NEDD4: variants seen among roughly 807,000 people sequenced by gnomAD.
The protein encoded by NEDD4 is NEDD4 E3 ubiquitin protein ligase, also known as E3 ubiquitin-protein ligase NEDD4.
NEDD4 carries 99 observed loss-of-function variants against 144.9 expected under a neutral mutation model. The ratio of observed to expected loss-of-function variants is 0.68; its 90% CI spans 0.58 to 0.81. NEDD4 has a LOEUF of 0.81. Ranked by LOEUF, NEDD4 falls within the 30% of genes least tolerant of loss-of-function variation. NEDD4 has a pLI of 0.00. For synonymous variants in NEDD4, 318 were observed against 350.6 expected (o/e 0.91, Z 1.04); for missense variants, 985 against 1,065.9 (o/e 0.92, Z 1.06).
At position 55,829,922 on chromosome 15, in the gene NEDD4, G is replaced by T; in HGVS notation, c.2678C>A (p.Thr893Asn). The change falls in exon 29 of 29, where the codon ACC (threonine) becomes AAC (asparagine). Residue 893 changes from threonine to asparagine, a missense_variant. Transcript: ENST00000435532. The stretch of plus-strand genomic sequence containing the variant: ...CTAATCAACTCCATCAAAGCCCTGG[G>T]TGTTTTCAATTGCCATCTGAAGTTT... ...WDKLQMAIEN[T>N]QGFDGVD 1 of 1,613,320 alleles carries T rather than the reference G, an allele frequency of 6.2e-7. No individual in the cohort carries two copies. The highest frequency in any genetic ancestry group is 2.2e-5 in the East Asian group (1 of 44,868).
chr15:55,876,562 T>C (rs1595783936), intron 5 of NEDD4, among the ~76,000 whole-genome samples: 1 of 152,268 alleles, frequency 6.6e-6, no homozygotes, highest in African/African-American at 2.4e-5. Context: ...AAGTTAATCA[T>C]TAATTGACTG....
At chr15:55,872,354 T>C in intron 7 of NEDD4, 61 bp downstream of exon 7, 4 of 650,996 alleles carry the variant, frequency 6.1e-6, no homozygotes, top group Non-Finnish European at 9.8e-6. Flanking sequence ...ATAAGGCTAC[T>C]GTAAGGTGTA....
intron 1 of NEDD4, among the ~76,000 whole-genome samples, chr15:55,979,111 T>C (rs1028708410): frequency 2.0e-5 from 3 of 151,752 alleles, no homozygotes; most frequent in Admixed American, 1.3e-4. Flanking sequence ...TGAGTTTTTA[T>C]ACAAGCTGGA....
In NEDD4 at chr15:55,838,574, T is replaced by A; in HGVS notation, c.2062A>T (p.Ile688Phe). Residue 688 changes from isoleucine to phenylalanine, a missense_variant, in exon 22 of 29, where the codon ATT becomes TTT. By Grantham distance (21) the Ile-to-Phe change is conservative. Coordinates refer to ENST00000435532, the MANE Select transcript of NEDD4 (RefSeq NM_006154.4). ...AATTCTGTTGGGTCATTTTCAAGAA[T>A]CCATCTTAGGGAATTGTAATATTCA... ...DSEYYNSLRWILENDPTELDL... is the reference protein window; with the variant it reads ...DSEYYNSLRWFLENDPTELDL... The A allele has an allele frequency of 6.2e-7, 1 of 1,612,500 alleles. No homozygotes were observed.
chr15:55,919,270 C>T (rs552986006), intron 5 of NEDD4, among the ~76,000 whole-genome samples: 3 of 152,238 alleles, frequency 2.0e-5, no homozygotes, highest in Non-Finnish European at 4.4e-5. Context: ...ACTCTGAATG[C>T]CTAATGCTTT....
intron 21 of NEDD4, 47 bp downstream of exon 21, chr15:55,840,400 G>T: frequency 2.7e-6 from 4 of 1,500,376 alleles, no homozygotes; most frequent in South Asian, 1.3e-5. Flanking sequence ...TGTTCAAGCT[G>T]CTTGTTAAAT....
chr15:55,899,723 C>T (rs1252866793), intron 5 of NEDD4, among the ~76,000 whole-genome samples: 1 of 152,154 alleles, frequency 6.6e-6, no homozygotes, highest in East Asian at 1.9e-4. Context: ...CTAGGGGAAC[C>T]CTGTCCAACA....
At chr15:55,917,003 T>A (rs545929092) in intron 5 of NEDD4, 3 of 1,331,090 alleles carry the variant, frequency 2.3e-6, no homozygotes, top group Non-Finnish European at 2.9e-6. Context: ...CCAGATATCA[T>A]AGAAAGAAAA....
intron 5 of NEDD4, among the ~76,000 whole-genome samples, chr15:55,884,090 G>A (rs1252647132): frequency 1.3e-5 from 2 of 152,096 alleles, no homozygotes; most frequent in Admixed American, 1.3e-4. Flanking sequence ...ATGTTGGCCA[G>A]GCTGGTCTTG....
At chr15:55,909,390 G>A (rs1468593725) in intron 5 of NEDD4, among the ~76,000 whole-genome samples, 1 of 152,104 alleles carries the variant, frequency 6.6e-6, no homozygotes, top group Non-Finnish European at 1.5e-5. Flanking sequence ...GGACAGATCT[G>A]CTCATCTCTT....
At chr15:55,923,941 T>C (rs2036617057) in intron 5 of NEDD4, among the ~76,000 whole-genome samples, 1 of 152,130 alleles carries the variant, frequency 6.6e-6, no homozygotes, top group Admixed American at 6.5e-5. Flanking sequence ...ACTGTTTCTA[T>C]ACTTACCTGT....
intron 5 of NEDD4, among the ~76,000 whole-genome samples, chr15:55,910,985 C>T (rs1403606662): frequency 6.6e-6 from 1 of 152,144 alleles, no homozygotes; most frequent in Non-Finnish European, 1.5e-5. Flanking sequence ...GCATGAAGCA[C>T]CAGGCCTAAT....
At chr15:55,984,183 T>C (rs72734396) in intron 1 of NEDD4, among the ~76,000 whole-genome samples, 18,391 of 152,152 alleles carry the variant, frequency 0.12, 1,186 homozygotes, top group East Asian at 0.26. Flanking sequence ...AGCATAACAA[T>C]TACAAGTTAA....
chr15:55,926,158 A>G (rs957129521), intron 4 of NEDD4, among the ~76,000 whole-genome samples: 20 of 152,082 alleles, frequency 1.3e-4, no homozygotes, highest in Non-Finnish European at 1.9e-4. Flanking sequence ...ACTCTGTTCT[A>G]TTCTATATAT....
intron 5 of NEDD4, among the ~76,000 whole-genome samples, chr15:55,919,780 A>T (rs540677640): frequency 3.6e-4 from 55 of 152,304 alleles, no homozygotes; most frequent in South Asian, 2.7e-3. Flanking sequence ...GATCATCTAC[A>T]TGGAAAATAA....
chr15:55,983,038 C>G (rs1232017226), intron 1 of NEDD4, among the ~76,000 whole-genome samples: 1 of 152,028 alleles, frequency 6.6e-6, no homozygotes, highest in African/African-American at 2.4e-5. Flanking sequence ...AGGAGAATCA[C>G]TTGAACCCAG....
chr15:55,954,477 A>G (rs1303062549), intron 2 of NEDD4, among the ~76,000 whole-genome samples: 10 of 152,286 alleles, frequency 6.6e-5, no homozygotes, highest in African/African-American at 2.4e-4. Flanking sequence ...CTCACCATCC[A>G]GCTAAACAAA....
chr15:55,912,388 T>C (rs2036302676), intron 5 of NEDD4, among the ~76,000 whole-genome samples: 2 of 152,134 alleles, frequency 1.3e-5, no homozygotes, highest in Admixed American at 6.5e-5. Flanking sequence ...TCTACTATAC[T>C]AGGCTTAAGC....
At chr15:55,869,862 TATAAATAAATAA>T (rs778928932) in intron 7 of NEDD4, among the ~76,000 whole-genome samples, 181 bp from the exon 8 acceptor site, 12 of 79,518 alleles carry the variant, frequency 1.5e-4, no homozygotes, top group African/African-American at 3.1e-4. Flanking sequence ...GGCAAACATA[TATAAATAAATAA>T]ATAAATAAAT....
Sources: allele counts gnomAD v4.1 joint callset (sites outside exome capture counted in the v4.1 genomes callset), GRCh38; gene constraint gnomAD v4.1.1; transcripts MANE v1.5; gene names NCBI Gene and HGNC (gene_info 2026-07-23, HGNC 2026-07-21).